NPAS3: variants seen among roughly 807,000 people sequenced by gnomAD.
NPAS3 encodes neuronal PAS domain-containing protein 3.
In NPAS3, 14 loss-of-function variants were observed where a neutral mutation model predicts 73.1. The observed-to-expected ratio is 0.19, with a 90% CI of 0.13 to 0.30. NPAS3 has a LOEUF of 0.30. NPAS3 is among the 10% of genes least tolerant of loss of function. The probability of loss-of-function intolerance (pLI) is 1.00; values close to 1 mark genes in which losing one functional copy is unlikely to be tolerated. For synonymous variants in NPAS3, 620 were observed against 541.5 expected, an observed-to-expected ratio of 1.14 and a Z score of -2.01; for missense variants, 1,096 against 1,250.0, an observed-to-expected ratio of 0.88 and a Z score of 1.86.
chr14:33,461,218 C>T (rs2050249499), intron 4 of NPAS3, among the ~76,000 whole-genome samples: 1 of 152,098 alleles, frequency 6.6e-6, no homozygotes, highest in Admixed American at 6.6e-5. Context: ...TTTTCCCTTG[C>T]CTTTAGGAAT....
intron 4 of NPAS3, among the ~76,000 whole-genome samples, chr14:33,547,293 C>T (rs914999567): frequency 1.2e-4 from 18 of 152,118 alleles, no homozygotes; most frequent in African/African-American, 4.3e-4. Context: ...GACAATAAAA[C>T]AAATCTGACT....
chr14:33,005,655 G>A (rs1291968134), intron 1 of NPAS3, among the ~76,000 whole-genome samples: 1 of 152,154 alleles, frequency 6.6e-6, no homozygotes, highest in Non-Finnish European at 1.5e-5. Flanking sequence ...GACTGGGGTC[G>A]AAGGGGGGAG....
intron 3 of NPAS3, among the ~76,000 whole-genome samples, chr14:33,222,943 G>T (rs920059749): frequency 6.6e-6 from 1 of 152,170 alleles, no homozygotes; most frequent in Non-Finnish European, 1.5e-5. Context: ...AGCAGGTGTG[G>T]CTCCCTGGGA....
rs543745053 is a variant in NPAS3 at position 33,487,938 on chromosome 14, A to G, written c.469-72183A>G. ...TGTCTTTCGAATTGAAGGATCTTCC[A>G]TGTCTACAAGTGTATATTTGTTGAA... On this transcript the variant is annotated intron_variant, in intron 4 of 11. Coordinates refer to ENST00000356141, the Ensembl canonical transcript of NPAS3. 5.9e-5 allele frequency among the ~76,000 whole-genome samples: 9 copies of G among 152,310 alleles called. No homozygotes were observed. In the South Asian group the frequency reaches 1.2e-3, roughly 21 times the overall value.
chr14:33,558,545 C>T (rs2055474935), intron 4 of NPAS3, among the ~76,000 whole-genome samples: 1 of 152,048 alleles, frequency 6.6e-6, no homozygotes. Flanking sequence ...CAGGCATGAG[C>T]CACTGTATCT....
intron 2 of NPAS3, among the ~76,000 whole-genome samples, chr14:33,086,890 G>A (rs1175432694): frequency 6.6e-6 from 1 of 151,920 alleles, no homozygotes; most frequent in African/African-American, 2.4e-5. Context: ...CATTGCACAA[G>A]ATTCTGGCAT....
intron 2 of NPAS3, among the ~76,000 whole-genome samples, chr14:33,096,359 C>T (rs1048934773): frequency 6.6e-6 from 1 of 152,080 alleles, no homozygotes; most frequent in African/African-American, 2.4e-5. Flanking sequence ...TTCATGCTTC[C>T]ACTTTACTTC....
chr14:33,363,784 G>T (rs2045710393), intron 3 of NPAS3, among the ~76,000 whole-genome samples: 1 of 152,092 alleles, frequency 6.6e-6, no homozygotes, highest in South Asian at 2.1e-4. Context: ...TTGAATTCCT[G>T]TGGCTTGGGC....
upstream of NPAS3, chr14:32,934,971 G>A (rs1474978966): frequency 3.0e-6 from 4 of 1,322,704 alleles, no homozygotes; most frequent in Non-Finnish European, 2.9e-6. The surrounding 1 kb of genome is among the most constrained non-coding windows in gnomAD (Gnocchi z 4.1). Flanking sequence ...GCACCCCGCA[G>A]AACGTCCAGG....
intron 1 of NPAS3, among the ~76,000 whole-genome samples, chr14:33,054,375 A>G (rs984994832): frequency 2.6e-5 from 4 of 152,214 alleles, no homozygotes; most frequent in African/African-American, 9.6e-5. Flanking sequence ...GTTGGCCTAC[A>G]GAATTTAATG....
At chr14:32,961,794 G>T (rs979312616) in intron 1 of NPAS3, among the ~76,000 whole-genome samples, 1 of 152,110 alleles carries the variant, frequency 6.6e-6, no homozygotes, top group Non-Finnish European at 1.5e-5. Context: ...TCTTTTAGAA[G>T]CTATGAACTT....
chr14:33,414,305 GA>G (rs2048058136), intron 4 of NPAS3, among the ~76,000 whole-genome samples: 1 of 151,830 alleles, frequency 6.6e-6, no homozygotes, highest in Admixed American at 6.6e-5. Context: ...AGTTGGTGGG[GA>G]AAAAAAGTAG....
At chr14:33,774,571 A>T (rs1431921172) in intron 8 of NPAS3, 41 bp downstream of exon 8, 1 of 1,520,820 alleles carries the variant, frequency 6.6e-7, no homozygotes, top group Non-Finnish European at 9.1e-7. Context: ...TGCACGTTGC[A>T]CATTGGTGAG....
At chr14:33,344,752 C>T (rs2044649992) in intron 3 of NPAS3, among the ~76,000 whole-genome samples, 1 of 152,156 alleles carries the variant, frequency 6.6e-6, no homozygotes, top group Non-Finnish European at 1.5e-5. Context: ...TAATAGCGTA[C>T]AGTTTCCTCA....
At chr14:33,401,937 A>C (rs559936195) in intron 4 of NPAS3, among the ~76,000 whole-genome samples, 2 of 152,224 alleles carry the variant, frequency 1.3e-5, no homozygotes, top group African/African-American at 4.8e-5. Flanking sequence ...TTTCAAGTTA[A>C]AAATCACAGT....
intron 4 of NPAS3, among the ~76,000 whole-genome samples, chr14:33,415,704 A>G (rs1403568630): frequency 2.6e-5 from 4 of 152,038 alleles, no homozygotes; most frequent in Non-Finnish European, 4.4e-5. Flanking sequence ...CAAGACATTC[A>G]TGGTCCTACA....
chr14:33,174,928 A>G (rs887566146), intron 2 of NPAS3, among the ~76,000 whole-genome samples: 2 of 152,206 alleles, frequency 1.3e-5, no homozygotes, highest in Admixed American at 6.5e-5. Flanking sequence ...GGTCATAACC[A>G]TTCACCAGAC....
chr14:33,554,339 G>A (rs1352662043), intron 4 of NPAS3, among the ~76,000 whole-genome samples: 1 of 152,214 alleles, frequency 6.6e-6, no homozygotes, highest in Non-Finnish European at 1.5e-5. Context: ...AGGGAAAGTT[G>A]AGTATGTCAG....
intron 4 of NPAS3, among the ~76,000 whole-genome samples, chr14:33,373,383 T>C (rs917167213): frequency 8.6e-6 from 1 of 116,868 alleles, no homozygotes; most frequent in Non-Finnish European, 1.8e-5. Context: ...TATATTGAAC[T>C]ATATGTGTGT....
Sources: gnomAD v4.1 joint callset for allele counts (sites outside exome capture counted in the v4.1 genomes callset) on GRCh38, gnomAD v4.1.1 for gene constraint, Gnocchi (gnomAD v3.1) non-coding constraint, MANE v1.5 for transcripts, NCBI Gene and HGNC (gene_info 2026-07-23, HGNC 2026-07-21) for gene names.